RBFOX1: variants seen among roughly 807,000 people sequenced by gnomAD.
The protein encoded by RBFOX1 is RNA binding protein fox-1 homolog 1.
In RBFOX1, 8 loss-of-function variants were observed where a neutral mutation model predicts 57.7. The observed-to-expected ratio is 0.14, with a 90% CI of 0.08 to 0.25. RBFOX1 has a LOEUF of 0.25. RBFOX1 is among the 10% of genes least tolerant of loss of function. The probability of loss-of-function intolerance (pLI) is 1.00; values close to 1 mark genes in which losing one functional copy is unlikely to be tolerated. For missense variants in RBFOX1, 611 were observed against 548.5 expected (o/e 1.11, Z -1.14); for synonymous variants, 326 against 222.4 (o/e 1.47, Z -4.15).
chr16:7,263,920 TA>T (rs34267221), intron 4 of RBFOX1, among the ~76,000 whole-genome samples: 34,106 of 124,732 alleles, frequency 0.27, 4,423 homozygotes, highest in African/African-American at 0.35. Context: ...ATATATAAAT[TA>T]AAAAAAAAAA....
At chr16:6,195,602 C>A (rs2097174781) in intron 1 of RBFOX1, among the ~76,000 whole-genome samples, 2 of 151,986 alleles carry the variant, frequency 1.3e-5, no homozygotes, top group African/African-American at 4.8e-5. Context: ...GCCTGTAGTC[C>A]CAGCTACTTG....
chr16:6,725,047 TTTTTTTTTTTC>T (rs2066873354), intron 3 of RBFOX1, among the ~76,000 whole-genome samples: 4 of 42,720 alleles, frequency 9.4e-5, no homozygotes, highest in Non-Finnish European at 3.5e-4. Context: ...GCTAGCTTTT[TTTTTTTTTTTC>T]TTTTTTTTTT....
intron 3 of RBFOX1, among the ~76,000 whole-genome samples, chr16:7,006,767 A>G (rs1288308217): frequency 6.6e-6 from 1 of 152,202 alleles, no homozygotes. Flanking sequence ...ATTAAGAAAA[A>G]GTAAACCCTA....
chr16:7,578,210 A>T (rs1333620258), intron 5 of RBFOX1, among the ~76,000 whole-genome samples: 8 of 152,236 alleles, frequency 5.3e-5, no homozygotes, highest in Non-Finnish European at 1.2e-4. Context: ...ACATTAATCA[A>T]TCACAAAGCC....
chr16:6,556,859 C>G (rs1482009347), intron 2 of RBFOX1, among the ~76,000 whole-genome samples: 1 of 151,824 alleles, frequency 6.6e-6, no homozygotes, highest in Non-Finnish European at 1.5e-5. Context: ...AGACTGGTGA[C>G]TGTCTTCTGA....
At chr16:7,377,172 A>G (rs1429662633) in intron 4 of RBFOX1, among the ~76,000 whole-genome samples, 1 of 152,244 alleles carries the variant, frequency 6.6e-6, no homozygotes, top group Non-Finnish European at 1.5e-5. Flanking sequence ...TAGATAAAAT[A>G]CCAGTTTAAG....
At chr16:5,856,591 A>ATATATG (rs2057075498) in intron 3 of RBFOX1, among the ~76,000 whole-genome samples, 1 of 96,088 alleles carries the variant, frequency 1.0e-5, no homozygotes, top group African/African-American at 3.8e-5. Flanking sequence ...ATATATATAT[A>ATATATG]TATATATATA....
At chr16:7,474,316 G>C (rs1316293894) in intron 4 of RBFOX1, among the ~76,000 whole-genome samples, 1 of 151,908 alleles carries the variant, frequency 6.6e-6, no homozygotes, top group Non-Finnish European at 1.5e-5. Flanking sequence ...CAAACAAAAA[G>C]CAGCCCCCCA....
intron 3 of RBFOX1, among the ~76,000 whole-genome samples, chr16:5,784,957 C>T (rs975361743): frequency 5.3e-5 from 8 of 152,130 alleles, no homozygotes; most frequent in African/African-American, 1.7e-4. Flanking sequence ...GGTATTTTGT[C>T]ATAGCAGCCC....
At chr16:7,164,149 C>G (rs1357084357) in intron 4 of RBFOX1, among the ~76,000 whole-genome samples, 1 of 152,140 alleles carries the variant, frequency 6.6e-6, no homozygotes, top group Non-Finnish European at 1.5e-5. Context: ...CCAGAATCCA[C>G]TGTATCATTC....
intron 2 of RBFOX1, among the ~76,000 whole-genome samples, chr16:6,513,895 C>T (rs928978155): frequency 1.2e-4 from 18 of 152,160 alleles, no homozygotes; most frequent in African/African-American, 4.3e-4. Flanking sequence ...CCTGAGGGGG[C>T]GTCAGGCTGA....
At chr16:5,332,782 A>G (rs1187276371) in intron 1 of RBFOX1, among the ~76,000 whole-genome samples, 1 of 151,936 alleles carries the variant, frequency 6.6e-6, no homozygotes, top group Non-Finnish European at 1.5e-5. Flanking sequence ...AGTTTTATAT[A>G]TTTAACTTAT....
chr16:6,626,805 G>C (rs1278211885), intron 2 of RBFOX1, among the ~76,000 whole-genome samples: 2 of 151,950 alleles, frequency 1.3e-5, no homozygotes, highest in Non-Finnish European at 2.9e-5. Context: ...ATAAAGTATA[G>C]AATTCAGTTT....
intron 4 of RBFOX1, among the ~76,000 whole-genome samples, chr16:6,002,504 CT>C (rs552380041): frequency 6.1e-4 from 93 of 152,262 alleles, no homozygotes; most frequent in African/African-American, 2.2e-3. Context: ...AGGAAATCTT[CT>C]TTGCCCATGA....
At chr16:5,857,770 A>G (rs1458283012) in intron 3 of RBFOX1, among the ~76,000 whole-genome samples, 1 of 151,868 alleles carries the variant, frequency 6.6e-6, no homozygotes, top group South Asian at 2.1e-4. Flanking sequence ...AAGGAAAAAA[A>G]AAACAAAGAA....
At chr16:6,809,295 T>C (rs1048397031) in intron 3 of RBFOX1, among the ~76,000 whole-genome samples, 21 of 152,206 alleles carry the variant, frequency 1.4e-4, no homozygotes, top group African/African-American at 4.6e-4. Context: ...TTAAATTTAA[T>C]TTGGCTGAAG....
rs200006523 is a variant in RBFOX1 at position 7,653,936 on chromosome 16, G to A, written c.879G>A (p.Pro293=). The stretch of plus-strand genomic sequence containing the variant: ...CCGCGGCGCCCCCGCCCCCGATCCC[G>A]GCCTACGGCGGGTAAGTGGGGCAGC... ...FRAAAPPPPI[P]AYGGVVYQDG... is the part of the protein sequence containing the mutation. Residue 293 remains proline (P), a synonymous_variant, in exon 12 of 16, where the codon CCG becomes CCA. Transcript: ENST00000550418. 1.1e-4 allele frequency: 162 copies of A among 1,532,078 alleles called. 2 individuals are homozygous for A. The East Asian group carries it at 3.6e-3, about 34-fold the overall frequency. 94.9% of individuals were successfully genotyped at this position (1,532,078 alleles called of 1,614,324 possible). A position where few individuals can be genotyped will look rare whatever the true frequency, so the allele number is the denominator to read the frequency against.
intron 4 of RBFOX1, among the ~76,000 whole-genome samples, chr16:7,201,439 C>T (rs2088423394): frequency 1.3e-5 from 2 of 149,674 alleles, no homozygotes; most frequent in African/African-American, 2.5e-5. Context: ...CAAGAGAATG[C>T]CACGATCTGA....
intron 3 of RBFOX1, among the ~76,000 whole-genome samples, chr16:6,996,580 C>G (rs1388497770): frequency 6.6e-6 from 1 of 152,032 alleles, no homozygotes; most frequent in Non-Finnish European, 1.5e-5. Flanking sequence ...ATTTACTAGC[C>G]CAACGACTTT....
Sources: gnomAD v4.1 joint callset for allele counts (sites outside exome capture counted in the v4.1 genomes callset) on GRCh38, gnomAD v4.1.1 for gene constraint, MANE v1.5 for transcripts, NCBI Gene and HGNC (gene_info 2026-07-23, HGNC 2026-07-21) for gene names.